Variants in S100Z observed in about 807,000 individuals in gnomAD.
S100Z encodes the protein protein S100-Z.
Under a neutral mutation model 8.5 loss-of-function variants are expected in S100Z, and 11 were observed. The ratio of observed to expected loss-of-function variants is 1.30; its 90% CI spans 0.82 to 2.15. The LOEUF is 2.15. Ranked by LOEUF, S100Z falls within the 30% of genes most tolerant of loss-of-function variation. The pLI, the probability that S100Z is intolerant of heterozygous loss-of-function variation, is 0.00. For synonymous variants in S100Z, 34 were observed against 43.8 expected, an observed-to-expected ratio of 0.78 and a Z score of 0.89; for missense variants, 126 against 117.9, an observed-to-expected ratio of 1.07 and a Z score of -0.32.
At chr5:76,939,278 G>A in the S100Z span, among the ~76,000 whole-genome samples, 1 of 151,368 alleles carries the variant, frequency 6.6e-6, no homozygotes, top group Non-Finnish European at 1.5e-5. Context: ...TCAGCCTCCC[G>A]AGTAGCTGGG....
chr5:76,853,528 G>C (rs1055464627), intron 1 of S100Z, among the ~76,000 whole-genome samples: 1 of 152,122 alleles, frequency 6.6e-6, no homozygotes, highest in Non-Finnish European at 1.5e-5. Context: ...GGATGTGTTG[G>C]CTCCCATCTG....
At chr5:76,920,629 C>A (rs1448716885) in intron 4 of S100Z, 88 bp from the exon 5 acceptor site, 1 of 152,166 alleles carries the variant, frequency 6.6e-6, no homozygotes, top group Non-Finnish European at 1.5e-5. Context: ...GTAAATGTGT[C>A]CAATTTAAAT....
At chr5:76,936,615 CTACACACACACA>C in the S100Z span, among the ~76,000 whole-genome samples, 2 of 60,470 alleles carry the variant, frequency 3.3e-5, no homozygotes, top group African/African-American at 6.2e-5. Flanking sequence ...ATTAAAGTTC[CTACACACACACA>C]CACACACACA....
intron 1 of S100Z, among the ~76,000 whole-genome samples, chr5:76,853,903 C>T (rs1293449451): frequency 6.6e-6 from 1 of 151,876 alleles, no homozygotes; most frequent in African/African-American, 2.4e-5. Context: ...GCACCATCCC[C>T]TTGGTGCTGT....
At chr5:76,880,078 C>T (rs558625468) in intron 4 of S100Z, among the ~76,000 whole-genome samples, 3 of 152,196 alleles carry the variant, frequency 2.0e-5, no homozygotes, top group South Asian at 2.1e-4. Flanking sequence ...CAATGTTTTG[C>T]GGGCAGAGGG....
intron 4 of S100Z, among the ~76,000 whole-genome samples, chr5:76,909,354 T>C (rs1431781685): frequency 3.3e-5 from 5 of 152,120 alleles, no homozygotes; most frequent in Admixed American, 3.3e-4. Flanking sequence ...CTGGCCCCAA[T>C]ATTCTCTCTC....
At chr5:76,890,745 G>A (rs1023595092) in intron 4 of S100Z, among the ~76,000 whole-genome samples, 2 of 152,234 alleles carry the variant, frequency 1.3e-5, no homozygotes, top group African/African-American at 4.8e-5. Flanking sequence ...GCATGAGATG[G>A]AGCTAGAGAG....
chr5:76,903,006 C>T (rs1323694671), intron 4 of S100Z, among the ~76,000 whole-genome samples: 2 of 151,952 alleles, frequency 1.3e-5, no homozygotes, highest in African/African-American at 4.8e-5. Context: ...GCCAACATGG[C>T]GAAACCCCAT....
intron 4 of S100Z, among the ~76,000 whole-genome samples, chr5:76,887,485 C>T (rs1193636739): frequency 6.7e-6 from 1 of 148,596 alleles, no homozygotes; most frequent in Admixed American, 6.7e-5. Context: ...CTGCAACCTC[C>T]ACCTCCCAGG....
the S100Z span, among the ~76,000 whole-genome samples, chr5:76,930,058 C>T: frequency 3.3e-5 from 5 of 152,234 alleles, no homozygotes; most frequent in African/African-American, 9.6e-5. Flanking sequence ...GATTTTCCTA[C>T]AACATGGGGA....
At chr5:76,854,872 C>A (rs553526366) in intron 1 of S100Z, among the ~76,000 whole-genome samples, 6 of 152,392 alleles carry the variant, frequency 3.9e-5, no homozygotes, top group African/African-American at 1.4e-4. Flanking sequence ...AGAATGGTTT[C>A]ATGGGCCAGG....
At chr5:76,869,349 G>A (rs1476561319) in intron 1 of S100Z, among the ~76,000 whole-genome samples, 1 of 143,092 alleles carries the variant, frequency 7.0e-6, no homozygotes, top group African/African-American at 3.0e-5. Context: ...ATCAGAGATG[G>A]GGGGATGTGG....
intron 1 of S100Z, among the ~76,000 whole-genome samples, chr5:76,851,841 A>G (rs1177395851): frequency 6.6e-6 from 1 of 152,188 alleles, no homozygotes; most frequent in Non-Finnish European, 1.5e-5. Flanking sequence ...GACAGAAAAG[A>G]ACGAGATGTA....
At chr5:76,905,114 A>G (rs549529358) in intron 4 of S100Z, among the ~76,000 whole-genome samples, 1 of 152,322 alleles carries the variant, frequency 6.6e-6, no homozygotes, top group Non-Finnish European at 1.5e-5. Context: ...TACAATGCAC[A>G]GTATGAACTC....
At chr5:76,872,023 G>T (rs1413977944) in intron 2 of S100Z, among the ~76,000 whole-genome samples, 3 of 152,130 alleles carry the variant, frequency 2.0e-5, no homozygotes, top group Non-Finnish European at 2.9e-5. Flanking sequence ...GATCACTTGA[G>T]CCCAGGAGTT....
intron 2 of S100Z, among the ~76,000 whole-genome samples, chr5:76,871,319 G>A (rs1383135636): frequency 6.6e-6 from 1 of 152,156 alleles, no homozygotes; most frequent in East Asian, 1.9e-4. Flanking sequence ...AATTAACTAG[G>A]AATTTGACAC....
chr5:76,874,643 C>T (rs1173305611), intron 2 of S100Z, among the ~76,000 whole-genome samples: 2 of 152,176 alleles, frequency 1.3e-5, no homozygotes, highest in Non-Finnish European at 2.9e-5. Flanking sequence ...GGTAAACAAC[C>T]ATTGACAGAG....
At chr5:76,931,268 T>C in the S100Z span, among the ~76,000 whole-genome samples, 184 of 152,068 alleles carry the variant, frequency 1.2e-3, no homozygotes, top group Non-Finnish European at 2.4e-3. Flanking sequence ...TCACCACACC[T>C]GGCTAATTTT....
the S100Z span, among the ~76,000 whole-genome samples, chr5:76,945,824 A>G: frequency 0.048 from 7,248 of 152,280 alleles, 197 homozygotes; most frequent in Middle Eastern, 0.071. Context: ...CTGTATGTTA[A>G]GTGCCGGTCT....
Sources: gnomAD v4.1 joint callset for allele counts (sites outside exome capture counted in the v4.1 genomes callset) on GRCh38, gnomAD v4.1.1 for gene constraint, MANE v1.5 for transcripts, NCBI Gene and HGNC (gene_info 2026-07-23, HGNC 2026-07-21) for gene names.